The following IGF2BP2 variants were observed in gnomAD, a reference collection of about 807,000 sequenced individuals.
The protein encoded by IGF2BP2 is insulin-like growth factor 2 mRNA-binding protein 2.
Under a neutral mutation model 75.8 loss-of-function variants are expected in IGF2BP2, and 17 were observed. The observed-to-expected ratio is 0.22, with a 90% CI of 0.15 to 0.34. The LOEUF (loss-of-function observed/expected upper bound fraction) is 0.34. IGF2BP2 is among the 10% of genes least tolerant of loss of function. IGF2BP2 has a pLI of 1.00. For missense variants in IGF2BP2, 516 were observed against 772.4 expected (o/e 0.67, Z 3.93); for synonymous variants, 288 against 295.6 (o/e 0.97, Z 0.26).
chr3:185,700,129 T>C (rs1414904436), intron 2 of IGF2BP2, among the ~76,000 whole-genome samples: 1 of 152,000 alleles, frequency 6.6e-6, no homozygotes, highest in Non-Finnish European at 1.5e-5. Context: ...CTATACACAG[T>C]CACATGTTTC....
At chr3:185,785,486 A>G (rs1322856457) in intron 2 of IGF2BP2, among the ~76,000 whole-genome samples, 3 of 152,074 alleles carry the variant, frequency 2.0e-5, no homozygotes, top group Non-Finnish European at 4.4e-5. Context: ...GGGAGACTTA[A>G]GCATTTGACA....
chr3:185,822,488 T>C (rs1006066745), intron 2 of IGF2BP2, among the ~76,000 whole-genome samples: 1 of 152,206 alleles, frequency 6.6e-6, no homozygotes, highest in African/African-American at 2.4e-5. Flanking sequence ...ACTCCGTCAT[T>C]AACAACAGTG....
At chr3:185,762,762 T>C (rs937431310) in intron 2 of IGF2BP2, among the ~76,000 whole-genome samples, 4 of 152,150 alleles carry the variant, frequency 2.6e-5, no homozygotes, top group Non-Finnish European at 4.4e-5. Flanking sequence ...GTCTGGGCAA[T>C]TGAAGAGGCA....
chr3:185,740,990 G>A (rs1002972093), intron 2 of IGF2BP2, among the ~76,000 whole-genome samples: 2 of 152,118 alleles, frequency 1.3e-5, no homozygotes, highest in African/African-American at 2.4e-5. Context: ...CAATTCTCCT[G>A]CTCAGCCTCC....
Position 185,692,679 on chromosome 3 carries a change from A to T in IGF2BP2, c.404+20T>A. The T allele has an allele frequency of 6.3e-7, 1 of 1,586,854 alleles. No homozygotes were observed. The highest frequency in any genetic ancestry group is 8.6e-7 in the Non-Finnish European group (1 of 1,159,474). On this transcript the variant is annotated intron_variant, in intron 5 of 15. Transcript: ENST00000382199. ...TAAAAACAAATAAATTTAAACAGAA[A>T]TAAGCCCAAATCTGCTTACATTTTT...
At chr3:185,795,145 C>G (rs1043664496) in intron 2 of IGF2BP2, among the ~76,000 whole-genome samples, 7 of 152,150 alleles carry the variant, frequency 4.6e-5, no homozygotes, top group African/African-American at 1.7e-4. Context: ...GATCCACCCA[C>G]CTCGGCCTCC....
chr3:185,812,913 G>A (rs1740100671), intron 2 of IGF2BP2, among the ~76,000 whole-genome samples: 1 of 152,254 alleles, frequency 6.6e-6, no homozygotes, highest in Non-Finnish European at 1.5e-5. Flanking sequence ...TATTAACACC[G>A]TGACCACAAT....
At chr3:185,680,748 A>G (rs928032116) in intron 7 of IGF2BP2, among the ~76,000 whole-genome samples, 3 of 152,204 alleles carry the variant, frequency 2.0e-5, no homozygotes, top group African/African-American at 7.2e-5. Context: ...GTTCAAGACC[A>G]GGCTGGGAAA....
At position 185,784,267 on chromosome 3, in the gene IGF2BP2, T is replaced by TAGACAGACAGACAGACAGAC. The variant is rs59726249; in HGVS notation, c.239+38866_239+38885dup. ...ATAAACAAGTAGATAGATAGATAGATAGACAGACAGACAGACAGACAAAGT... is the reference window on the plus strand; with the variant it reads ...ATAAACAAGTAGATAGATAGATAGATAGACAGACAGACAGACAGACAGACAGACAGACAGACAGACAAAGT... On this transcript the variant is annotated intron_variant, in intron 2 of 15. Transcript: ENST00000382199. Among the ~76,000 whole-genome samples, 246 of 151,730 alleles carry TAGACAGACAGACAGACAGAC rather than the reference T, an allele frequency of 1.6e-3. 2 individuals are homozygous for TAGACAGACAGACAGACAGAC. The highest frequency in any genetic ancestry group is 5.7e-3 in the African/African-American group (234 of 41,234).
chr3:185,742,477 CAG>C (rs1560394461), intron 2 of IGF2BP2, among the ~76,000 whole-genome samples: 1 of 151,856 alleles, frequency 6.6e-6, no homozygotes, highest in African/African-American at 2.4e-5. Context: ...GCCTGGGCAA[CAG>C]AGTGAGACTC....
At position 185,755,253 on chromosome 3, in the gene IGF2BP2, T is replaced by C. The variant is rs549852310; in HGVS notation, c.240-56906A>G. Among the ~76,000 whole-genome samples, 26 of 152,304 alleles carry C rather than the reference T, an allele frequency of 1.7e-4. 1 individual carries two copies. In the South Asian group the frequency reaches 5.4e-3, roughly 32 times the overall value. Reference sequence around the variant, plus strand: ...TCCACTGCTCCAGCTCCAGCCACGGTTCACAGGGCCCCAGGTACAGCTCGG... The same window carrying C: ...TCCACTGCTCCAGCTCCAGCCACGGCTCACAGGGCCCCAGGTACAGCTCGG... On this transcript the variant is annotated intron_variant, in intron 2 of 15. Coordinates refer to ENST00000382199, the MANE Select transcript of IGF2BP2 (RefSeq NM_006548.6).
At chr3:185,782,425 A>T (rs542860246) in intron 2 of IGF2BP2, among the ~76,000 whole-genome samples, 1 of 152,234 alleles carries the variant, frequency 6.6e-6, no homozygotes, top group South Asian at 2.1e-4. Context: ...TGTTTGCTTC[A>T]AATAGTCTTG....
intron 15 of IGF2BP2, chr3:185,646,817 A>C (rs1713645963): frequency 1.7e-6 from 1 of 587,222 alleles, no homozygotes. Context: ...CCTAGCATAC[A>C]TACCTCGGGG....
At chr3:185,744,742 G>C (rs114401330) in intron 2 of IGF2BP2, among the ~76,000 whole-genome samples, 3,546 of 152,300 alleles carry the variant, frequency 0.023, 69 homozygotes, top group Middle Eastern at 0.054. Context: ...CCTGGAAGTG[G>C]AAGTTGCAGT....
At chr3:185,716,929 G>C (rs748605785) in intron 2 of IGF2BP2, 7 of 429,186 alleles carry the variant, frequency 1.6e-5, no homozygotes, top group Non-Finnish European at 3.2e-5. Flanking sequence ...CTGCTGCCCA[G>C]CCAGACTCCG....
intron 10 of IGF2BP2, among the ~76,000 whole-genome samples, chr3:185,661,498 G>A (rs931911888): frequency 2.6e-5 from 4 of 151,890 alleles, no homozygotes; most frequent in African/African-American, 9.7e-5. Context: ...TTAGCCGGGC[G>A]TGGTGGTGGA....
At chr3:185,673,327 T>C (rs1718816978) in intron 9 of IGF2BP2, among the ~76,000 whole-genome samples, 1 of 152,214 alleles carries the variant, frequency 6.6e-6, no homozygotes, top group South Asian at 2.1e-4. Context: ...AAATATTTGT[T>C]GAATGACTGT....
intron 2 of IGF2BP2, among the ~76,000 whole-genome samples, chr3:185,736,209 C>T (rs1728830164): frequency 6.6e-6 from 1 of 152,136 alleles, no homozygotes; most frequent in African/African-American, 2.4e-5. Context: ...GGGTACTGGG[C>T]CAAGGTCACG....
At chr3:185,744,782 C>A (rs202132966) in intron 2 of IGF2BP2, among the ~76,000 whole-genome samples, 1 of 152,114 alleles carries the variant, frequency 6.6e-6, no homozygotes, top group Non-Finnish European at 1.5e-5. Flanking sequence ...GCACTCCAGG[C>A]GGGGAGACAG....
Sources: allele counts gnomAD v4.1 joint callset (sites outside exome capture counted in the v4.1 genomes callset), GRCh38; gene constraint gnomAD v4.1.1; transcripts MANE v1.5; gene names NCBI Gene and HGNC (gene_info 2026-07-23, HGNC 2026-07-21).